NPM1: variants seen among roughly 807,000 people sequenced by gnomAD.
NPM1 encodes the protein nucleophosmin 1.
Under a neutral mutation model 44.1 loss-of-function variants are expected in NPM1, and 1 was observed. The ratio of observed to expected loss-of-function variants is 0.02; its 90% CI spans 0.01 to 0.11. The LOEUF (loss-of-function observed/expected upper bound fraction) is 0.11. Among genes scored for constraint, NPM1 ranks in the 10% least tolerant of loss-of-function variants. The pLI is 1.00. For missense variants in NPM1, 197 were observed against 347.8 expected, an observed-to-expected ratio of 0.57 and a Z score of 3.45; for synonymous variants, 126 against 111.8, an observed-to-expected ratio of 1.13 and a Z score of -0.80.
In NPM1 at chr5:171,395,306, A is replaced by AT. The variant is rs964117706; in HGVS notation, c.524+2340dup. On this transcript the variant is annotated intron_variant, in intron 6 of 10. Coordinates refer to ENST00000296930, the MANE Select transcript of NPM1 (RefSeq NM_002520.7). ...ATCAGTACCTGGTTTTTTTTGTGGG[A>AT]TTTTTTTTTTTTCGGCAAGTCTCGC... Among the ~76,000 whole-genome samples, 508 of 145,030 alleles carry AT rather than the reference A, an allele frequency of 3.5e-3. 3 individuals carry two copies. Among genetic ancestry groups the AT allele is most frequent in the South Asian group, 9.6e-3 (44 of 4,602 alleles).
At chr5:171,404,733 T>G (rs1581256843) in intron 8 of NPM1, among the ~76,000 whole-genome samples, 1 of 140,222 alleles carries the variant, frequency 7.1e-6, no homozygotes, top group Non-Finnish European at 1.5e-5. Flanking sequence ...CCAGACGGGG[T>G]GGCGGCCGGG....
intron 10 of NPM1, among the ~76,000 whole-genome samples, chr5:171,409,355 T>C (rs1771712850): frequency 6.6e-6 from 1 of 152,182 alleles, no homozygotes; most frequent in Non-Finnish European, 1.5e-5. Context: ...ATCCCAGCAC[T>C]TTGGGAGGCA....
chr5:171,397,802 CTT>C (rs575241008), intron 6 of NPM1, among the ~76,000 whole-genome samples: 21 of 132,316 alleles, frequency 1.6e-4, no homozygotes, highest in Admixed American at 9.3e-4. Context: ...GGCAAGAATT[CTT>C]TTTTTTTTTT....
chr5:171,400,307 T>TGGGAGATCATATCATACTGA, intron 7 of NPM1, 97 bp downstream of exon 7: 1 of 1,234,262 alleles, frequency 8.1e-7, no homozygotes, highest in Non-Finnish European at 1.2e-6. Context: ...GAAGCTGGTG[T>TGGGAGATCATATCATACTGA]GGGAGATCAT....
At chr5:171,410,294 T>A (rs933912709) in intron 10 of NPM1, among the ~76,000 whole-genome samples, 2 of 152,250 alleles carry the variant, frequency 1.3e-5, no homozygotes, top group Non-Finnish European at 2.9e-5. Context: ...TAAATAATGC[T>A]AAACTATTAA....
rs752933446 is a variant in NPM1 at position 171,391,717 on chromosome 5, G to T, written c.270G>T (p.Gly90=). 1.9e-5 allele frequency: 30 copies of T among 1,609,234 alleles called. No homozygotes were observed. The highest frequency in any genetic ancestry group is 5.0e-5 in the Admixed American group (3 of 59,974). The change falls in exon 4 of 11, where the codon GGG becomes GGT. Residue 90 remains glycine (G), a synonymous_variant. Transcript: ENST00000296930. ...TTTCTCCCTTCTAGGTTTCCCTTGG[G>T]GGCTTTGAAATAACACCACCAGTGG... ...KMSVQPTVSL[G]GFEITPPVVL... is the part of the protein sequence containing the mutation.
intron 8 of NPM1, 71 bp from the exon 9 acceptor site, chr5:171,405,231 C>A: frequency 2.8e-6 from 2 of 720,272 alleles, no homozygotes; most frequent in East Asian, 2.7e-5. Context: ...TGAGGAAATC[C>A]AGATAGAATG....
At position 171,407,684 on chromosome 5, in the gene NPM1, G is replaced by A. The variant is rs1399795356; in HGVS notation, c.772-16G>A. On this transcript the variant is annotated splice_polypyrimidine_tract_variant and intron_variant, in intron 9 of 10. Coordinates refer to ENST00000296930, the MANE Select transcript of NPM1 (RefSeq NM_002520.7). ...TATTTCTCTACTTACCTGTAATAAT[G>A]CTTTTGTCTTAATAGGGTGGTTCTC... The A allele has an allele frequency of 2.0e-6, 3 of 1,503,924 alleles. No homozygotes were observed. Among genetic ancestry groups the A allele is most frequent in the Admixed American group, 3.4e-5 (2 of 59,116 alleles). The allele number at this position is 1,503,924 out of a possible 1,614,324, so 93.2% of individuals were successfully genotyped here. A position where few individuals can be genotyped will look rare whatever the true frequency, so the allele number is the denominator to read the frequency against.
At chr5:171,400,319 T>TCATACTGAGGGAGATCATCC in intron 7 of NPM1, 109 bp downstream of exon 7, 1 of 1,261,746 alleles carries the variant, frequency 7.9e-7, no homozygotes, top group Non-Finnish European at 1.1e-6. Context: ...GGAGATCATC[T>TCATACTGAGGGAGATCATCC]CATACTGAAA....
At chr5:171,394,169 G>A (rs1770751210) in intron 6 of NPM1, among the ~76,000 whole-genome samples, 1 of 151,530 alleles carries the variant, frequency 6.6e-6, no homozygotes, top group African/African-American at 2.4e-5. Context: ...AGCCTCCCGG[G>A]TAGCTGGGAC....
chr5:171,387,810 A>T, upstream of NPM1: 2 of 742,886 alleles, frequency 2.7e-6, no homozygotes, highest in Non-Finnish European at 4.6e-6. Context: ...CGCTCGCGAG[A>T]TCTTCAGGGT....
chr5:171,398,651 G>T (rs1466265181), intron 6 of NPM1, among the ~76,000 whole-genome samples: 1 of 152,028 alleles, frequency 6.6e-6, no homozygotes, highest in African/African-American at 2.4e-5. Context: ...TGTGCCTGTA[G>T]TCCCAGCTAC....
chr5:171,388,971 C>T (rs544299853), intron 1 of NPM1, among the ~76,000 whole-genome samples: 9 of 152,350 alleles, frequency 5.9e-5, no homozygotes, highest in African/African-American at 1.7e-4. Context: ...GGGGGACGTC[C>T]TCGCATGCCG....
intron 6 of NPM1, among the ~76,000 whole-genome samples, chr5:171,394,397 C>A (rs1456996800): frequency 6.6e-6 from 1 of 152,112 alleles, no homozygotes; most frequent in East Asian, 1.9e-4. Flanking sequence ...TATTCTCAAA[C>A]TCCTAACCTC....
rs34351976 is a variant in NPM1, at chr5:171,410,729, CT to C, written c.*165del. ...GCCAAGAATGTGTTGTCCAAAATGC[CT>C]GTTTAGTTTTTAAAGATGGAACTCC... On this transcript the variant is annotated 3_prime_UTR_variant, in exon 11 of 11. Coordinates refer to ENST00000296930, the MANE Select transcript of NPM1 (RefSeq NM_002520.7). The C allele has an allele frequency of 0.33, 166,261 of 509,706 alleles. 29,164 individuals are homozygous for C. Among genetic ancestry groups the C allele is most frequent in the East Asian group, 0.43 (13,704 of 32,070 alleles). 31.6% of individuals were successfully genotyped at this position (509,706 alleles called of 1,614,324 possible).
chr5:171,390,463 T>C (rs1287325181), intron 2 of NPM1, among the ~76,000 whole-genome samples: 1 of 152,242 alleles, frequency 6.6e-6, no homozygotes, highest in African/African-American at 2.4e-5. Flanking sequence ...TCAATAAATA[T>C]GTTAGGTGGT....
chr5:171,391,837 C>T (rs1426645577), intron 4 of NPM1, 38 bp downstream of exon 4: 3 of 1,278,532 alleles, frequency 2.3e-6, no homozygotes, highest in Admixed American at 1.8e-5. Context: ...TTAGTTTGTC[C>T]TCTTTAGTGC....
chr5:171,400,775 G>A (rs1771155675), intron 7 of NPM1, 64 bp from the exon 8 acceptor site: 1 of 1,090,172 alleles, frequency 9.2e-7, no homozygotes, highest in Non-Finnish European at 1.4e-6. Context: ...ACATGGCTTG[G>A]ACAGCTTTGT....
At position 171,387,901 on chromosome 5, in the gene NPM1, T is replaced by C. The variant is rs11551547; in HGVS notation, c.-48T>C. On this transcript the variant is annotated 5_prime_UTR_variant, in exon 1 of 11. Transcript: ENST00000296930. ...CGGTTGTTCTCTGGAGCAGCGTTCT[T>C]TTATCTCCGTCCGCCTTCTCTCCTA... 22 of 1,582,278 alleles carry C rather than the reference T, an allele frequency of 1.4e-5. No homozygotes were observed. Among genetic ancestry groups the C allele is most frequent in the Non-Finnish European group, 1.9e-5 (22 of 1,153,094 alleles).
Sources: gnomAD v4.1 joint callset for allele counts (sites outside exome capture counted in the v4.1 genomes callset) on GRCh38, gnomAD v4.1.1 for gene constraint, MANE v1.5 for transcripts, NCBI Gene and HGNC (gene_info 2026-07-23, HGNC 2026-07-21) for gene names.